IPO11: variants seen among roughly 807,000 people sequenced by gnomAD.
The protein encoded by IPO11 is importin 11.
In IPO11, 66 loss-of-function variants were observed where a neutral mutation model predicts 143.2. The observed-to-expected ratio is 0.46, with a 90% confidence interval of 0.38 to 0.57. The LOEUF (loss-of-function observed/expected upper bound fraction) is 0.57. Ranked by LOEUF, IPO11 falls within the 20% of genes least tolerant of loss-of-function variation. The probability of loss-of-function intolerance (pLI) is 0.00; values close to 1 mark genes in which losing one functional copy is unlikely to be tolerated. For missense variants in IPO11, 1,026 were observed against 1,141.0 expected, an observed-to-expected ratio of 0.90 and a Z score of 1.45; for synonymous variants, 385 against 377.8, an observed-to-expected ratio of 1.02 and a Z score of -0.22.
chr5:62,419,142 G>A, intron 1 of IPO11: 1 of 1,545,746 alleles, frequency 6.5e-7, no homozygotes, highest in Non-Finnish European at 8.7e-7. Flanking sequence ...GTATTTGTGT[G>A]TTTAAACATG....
rs534374747 is a variant in IPO11 at position 62,443,209 on chromosome 5, G to C, written c.239+126G>C. On this transcript the variant is annotated intron_variant, in intron 3 of 29. Transcript: ENST00000325324. ...TTCTGCAGCACATATACTAAAATTG[G>C]AGCAATACAGAGACGATTAGCATGG... 15 of 548,120 alleles carry C rather than the reference G, an allele frequency of 2.7e-5. No individual in the cohort carries two copies. In the African/African-American group the frequency reaches 2.9e-4, roughly 11 times the overall value. 34.0% of individuals were successfully genotyped at this position (548,120 alleles called of 1,614,324 possible).
chr5:62,498,119 A>C (rs907204667), intron 16 of IPO11, among the ~76,000 whole-genome samples: 10 of 151,942 alleles, frequency 6.6e-5, no homozygotes, highest in South Asian at 4.1e-4. Flanking sequence ...AATACCCACA[A>C]ATTTTTCATA....
intron 29 of IPO11, among the ~76,000 whole-genome samples, chr5:62,626,854 T>G (rs1224241243): frequency 6.6e-6 from 1 of 152,230 alleles, no homozygotes; most frequent in African/African-American, 2.4e-5. Context: ...ATGTTCTGTT[T>G]CTTTTAGAAT....
intron 24 of IPO11, among the ~76,000 whole-genome samples, chr5:62,540,585 A>G (rs1159970399): frequency 6.6e-6 from 1 of 152,250 alleles, no homozygotes; most frequent in African/African-American, 2.4e-5. Flanking sequence ...GGAGCGTAGC[A>G]TAGCAGGTAA....
At chr5:62,596,888 T>G (rs963771574) in intron 28 of IPO11, among the ~76,000 whole-genome samples, 36 of 152,218 alleles carry the variant, frequency 2.4e-4, no homozygotes, top group African/African-American at 8.4e-4. Context: ...TTCTTCATCA[T>G]TCTGCAAACA....
chr5:62,506,869 T>C (rs1225455015), intron 19 of IPO11, among the ~76,000 whole-genome samples: 1 of 152,214 alleles, frequency 6.6e-6, no homozygotes, highest in Non-Finnish European at 1.5e-5. Flanking sequence ...GTAATTATCG[T>C]TGTGACTTCC....
chr5:62,488,820 T>C (rs1285156677), intron 13 of IPO11, among the ~76,000 whole-genome samples: 1 of 152,034 alleles, frequency 6.6e-6, no homozygotes, highest in Non-Finnish European at 1.5e-5. Context: ...CTGGACAACA[T>C]GGCAAAAACC....
chr5:62,484,207 C>G, intron 11 of IPO11, 45 bp downstream of exon 11: 3 of 1,481,340 alleles, frequency 2.0e-6, no homozygotes, highest in Non-Finnish European at 2.7e-6. Context: ...TCTCCCCTTT[C>G]TATAAATATC....
At chr5:62,544,020 T>C (rs1328241349) in intron 24 of IPO11, among the ~76,000 whole-genome samples, 2 of 152,210 alleles carry the variant, frequency 1.3e-5, no homozygotes, top group Admixed American at 1.3e-4. Context: ...TTCTTAATCC[T>C]GAGTTCTAGT....
intron 13 of IPO11, among the ~76,000 whole-genome samples, chr5:62,488,295 A>G (rs1199917687): frequency 6.6e-6 from 1 of 152,254 alleles, no homozygotes; most frequent in Non-Finnish European, 1.5e-5. Context: ...GTAACTAATT[A>G]TCTGCCTATT....
At chr5:62,546,012 G>A (rs1308074947) in intron 24 of IPO11, among the ~76,000 whole-genome samples, 8 of 152,066 alleles carry the variant, frequency 5.3e-5, no homozygotes, top group Non-Finnish European at 8.8e-5. Context: ...ACTGTAAACT[G>A]GTTCAACCAT....
chr5:62,579,791 A>T, intron 27 of IPO11: 1 of 1,543,642 alleles, frequency 6.5e-7, no homozygotes, highest in Non-Finnish European at 8.8e-7. Context: ...CTAAATAATA[A>T]TTTCATCAAA....
intron 5 of IPO11, among the ~76,000 whole-genome samples, chr5:62,454,338 C>T (rs1393344738): frequency 6.6e-6 from 1 of 152,204 alleles, no homozygotes; most frequent in African/African-American, 2.4e-5. Context: ...GTTTTGTCCT[C>T]ACCTCAAACC....
At chr5:62,597,748 G>C (rs779976696) in intron 28 of IPO11, among the ~76,000 whole-genome samples, 1 of 152,186 alleles carries the variant, frequency 6.6e-6, no homozygotes, top group Non-Finnish European at 1.5e-5. Flanking sequence ...TCTTCTCACT[G>C]AGTTGTCATG....
At chr5:62,623,181 A>AT (rs1313419216) in intron 29 of IPO11, among the ~76,000 whole-genome samples, 2 of 152,236 alleles carry the variant, frequency 1.3e-5, no homozygotes, top group African/African-American at 4.8e-5. Context: ...AGATAATTTA[A>AT]TTAAGGAATT....
intron 7 of IPO11, among the ~76,000 whole-genome samples, chr5:62,472,215 A>C (rs1360115101): frequency 1.3e-5 from 2 of 152,206 alleles, no homozygotes; most frequent in Non-Finnish European, 2.9e-5. Flanking sequence ...TTATGGTAGA[A>C]GCAATATGTC....
intron 24 of IPO11, among the ~76,000 whole-genome samples, chr5:62,543,332 G>A (rs1324013745): frequency 6.6e-6 from 1 of 152,174 alleles, no homozygotes; most frequent in Non-Finnish European, 1.5e-5. Flanking sequence ...TTTTTGGTTG[G>A]TAGGCTATTA....
chr5:62,484,934 T>C (rs1746344461), intron 11 of IPO11, among the ~76,000 whole-genome samples: 1 of 152,202 alleles, frequency 6.6e-6, no homozygotes. Flanking sequence ...TTTTTCAATT[T>C]GCTTTCTTTA....
intron 19 of IPO11, among the ~76,000 whole-genome samples, chr5:62,508,790 G>A (rs183629478): frequency 1.2e-3 from 186 of 152,122 alleles, no homozygotes; most frequent in Admixed American, 3.6e-3. Flanking sequence ...GGTGTGAGAT[G>A]TTCCCCGCCC....
Sources: gnomAD v4.1 joint callset for allele counts (sites outside exome capture counted in the v4.1 genomes callset) on GRCh38, gnomAD v4.1.1 for gene constraint, MANE v1.5 for transcripts, NCBI Gene and HGNC (gene_info 2026-07-23, HGNC 2026-07-21) for gene names.